The following CTNNA2 variants were observed in gnomAD, a reference collection of about 807,000 sequenced individuals.
CTNNA2 encodes catenin alpha 2.
A neutral mutation model predicts 101.0 loss-of-function variants in CTNNA2; 42 were observed. The ratio of observed to expected loss-of-function variants is 0.42; its 90% CI spans 0.32 to 0.54. CTNNA2 has a LOEUF of 0.54. Ranked by LOEUF, CTNNA2 falls within the 20% of genes least tolerant of loss-of-function variation. CTNNA2 has a pLI of 0.14. For synonymous variants in CTNNA2, 450 were observed against 456.4 expected (o/e 0.99, Z 0.18); for missense variants, 871 against 1,223.1 (o/e 0.71, Z 4.29).
intron 11 of CTNNA2, among the ~76,000 whole-genome samples, chr2:80,553,791 T>A (rs1247538395): frequency 6.6e-6 from 1 of 152,192 alleles, no homozygotes; most frequent in South Asian, 2.1e-4. Flanking sequence ...CTTCTTTTAA[T>A]CAAAGTTTTA....
chr2:79,982,192 CTATATATATATATATATA>C (rs70940064), intron 7 of CTNNA2, among the ~76,000 whole-genome samples: 2,299 of 74,950 alleles, frequency 0.031, 166 homozygotes, highest in African/African-American at 0.15. Flanking sequence ...GCATGTGCCA[CTATATATATATATATATA>C]TATATATATA....
At chr2:80,260,560 C>T (rs185852689) in intron 7 of CTNNA2, among the ~76,000 whole-genome samples, 83 of 152,148 alleles carry the variant, frequency 5.5e-4, no homozygotes, top group African/African-American at 1.5e-3. Flanking sequence ...TTGGTTATTT[C>T]GTTGTTTTGT....
chr2:79,444,751 T>G (rs535078579), intron 4 of CTNNA2, among the ~76,000 whole-genome samples: 1 of 152,190 alleles, frequency 6.6e-6, no homozygotes, highest in East Asian at 1.9e-4. Context: ...CAAATGAGGT[T>G]GAGAGGAGCA....
chr2:79,305,351 T>G (rs974863264), intron 2 of CTNNA2, among the ~76,000 whole-genome samples: 4 of 140,770 alleles, frequency 2.8e-5, no homozygotes, highest in African/African-American at 1.1e-4. Flanking sequence ...TACATACATA[T>G]ACATATATAC....
intron 2 of CTNNA2, among the ~76,000 whole-genome samples, chr2:79,674,981 T>C (rs1341042194): frequency 3.3e-5 from 5 of 152,236 alleles, no homozygotes; most frequent in Non-Finnish European, 7.3e-5. Flanking sequence ...CATGTTGACA[T>C]TGGCTTTCTC....
intron 7 of CTNNA2, among the ~76,000 whole-genome samples, chr2:80,234,923 A>G (rs1008286191): frequency 1.3e-5 from 2 of 152,180 alleles, no homozygotes; most frequent in African/African-American, 4.8e-5. Context: ...TAACAAATAA[A>G]TGGGTGTGGC....
intron 2 of CTNNA2, among the ~76,000 whole-genome samples, chr2:79,718,182 C>T (rs952812677): frequency 2.6e-5 from 4 of 152,142 alleles, no homozygotes; most frequent in African/African-American, 9.7e-5. Flanking sequence ...CTGATTTCCT[C>T]TTTGATACGA....
chr2:80,597,660 AG>A (rs1697104384), intron 15 of CTNNA2, among the ~76,000 whole-genome samples: 1 of 152,182 alleles, frequency 6.6e-6, no homozygotes, highest in Admixed American at 6.5e-5. Context: ...AAGTGGGCAA[AG>A]GATATGAACA....
intron 1 of CTNNA2, chr2:79,524,831 G>T (rs1558698290): frequency 1.3e-5 from 2 of 151,300 alleles, no homozygotes; most frequent in Non-Finnish European, 2.9e-5. Flanking sequence ...AGTAAGCATA[G>T]TGTGTACATG....
chr2:79,580,166 G>A (rs1487065007), intron 1 of CTNNA2, among the ~76,000 whole-genome samples: 2 of 152,040 alleles, frequency 1.3e-5, no homozygotes, highest in Admixed American at 6.6e-5. Context: ...CAACGTTGGA[G>A]AAACTTTCTC....
At chr2:80,111,917 AT>A (rs1701234790) in intron 7 of CTNNA2, among the ~76,000 whole-genome samples, 1 of 152,202 alleles carries the variant, frequency 6.6e-6, no homozygotes, top group Admixed American at 6.5e-5. Flanking sequence ...TTAGCCATTC[AT>A]TTTGGATATC....
intron 7 of CTNNA2, among the ~76,000 whole-genome samples, chr2:80,154,837 A>G (rs989250066): frequency 2.0e-5 from 3 of 152,226 alleles, no homozygotes; most frequent in Non-Finnish European, 4.4e-5. Context: ...AAATTCCTTT[A>G]CATTCTTAAA....
intron 7 of CTNNA2, among the ~76,000 whole-genome samples, chr2:80,116,792 T>A (rs561164778): frequency 1.3e-5 from 2 of 152,138 alleles, no homozygotes; most frequent in Non-Finnish European, 2.9e-5. Flanking sequence ...ATCAGATAAG[T>A]TTTCTTGTGG....
chr2:79,512,839 C>T (rs993049761), upstream of CTNNA2, among the ~76,000 whole-genome samples: 3 of 151,396 alleles, frequency 2.0e-5, no homozygotes, highest in Non-Finnish European at 4.4e-5. Flanking sequence ...AGCCACCCCT[C>T]GATGCCCGGT....
At chr2:80,234,011 A>G (rs933760261) in intron 7 of CTNNA2, among the ~76,000 whole-genome samples, 2 of 151,468 alleles carry the variant, frequency 1.3e-5, no homozygotes, top group Admixed American at 1.3e-4. Context: ...ATCTTCCTGC[A>G]CCCTCATGCC....
At chr2:80,024,036 A>G (rs944475668) in intron 7 of CTNNA2, among the ~76,000 whole-genome samples, 1 of 149,306 alleles carries the variant, frequency 6.7e-6, no homozygotes. Context: ...GCAGTGAGCC[A>G]AGATGGCGCC....
chr2:79,609,056 C>A (rs1044685187), intron 1 of CTNNA2, among the ~76,000 whole-genome samples: 1 of 151,728 alleles, frequency 6.6e-6, no homozygotes, highest in Non-Finnish European at 1.5e-5. Context: ...CAGAAGAAAT[C>A]AAAAATTGAT....
intron 7 of CTNNA2, among the ~76,000 whole-genome samples, chr2:80,216,968 G>A (rs1708305180): frequency 6.6e-6 from 1 of 151,670 alleles, no homozygotes; most frequent in African/African-American, 2.4e-5. Flanking sequence ...CTCCCACGTA[G>A]CTGTGACTAC....
intron 4 of CTNNA2, among the ~76,000 whole-genome samples, chr2:79,386,589 T>A (rs1678107864): frequency 6.6e-6 from 1 of 152,232 alleles, no homozygotes; most frequent in South Asian, 2.1e-4. Context: ...GTTTTCATAA[T>A]ACACTCTGTC....
Sources: gnomAD v4.1 joint callset for allele counts (sites outside exome capture counted in the v4.1 genomes callset) on GRCh38, gnomAD v4.1.1 for gene constraint, MANE v1.5 for transcripts, NCBI Gene and HGNC (gene_info 2026-07-23, HGNC 2026-07-21) for gene names.